Variants in RTN2 observed in about 807,000 individuals in gnomAD.
The protein encoded by RTN2 is reticulon-2.
A neutral mutation model predicts 63.7 loss-of-function variants in RTN2; 36 were observed. The ratio of observed to expected loss-of-function variants is 0.56; its 90% CI spans 0.43 to 0.75. RTN2 has a LOEUF of 0.75. RTN2 is among the 30% of genes least tolerant of loss of function. The pLI, the probability that RTN2 is intolerant of heterozygous loss-of-function variation, is 0.00. For synonymous variants in RTN2, 312 were observed against 313.0 expected, an observed-to-expected ratio of 1.00 and a Z score of 0.03; for missense variants, 673 against 705.1, an observed-to-expected ratio of 0.95 and a Z score of 0.52.
chr19:45,496,648 G>T, intron 1 of RTN2, 144 bp downstream of exon 1: 1 of 476,938 alleles, frequency 2.1e-6, no homozygotes. Flanking sequence ...CCGCCAGAGC[G>T]CGGGGGAGGG....
At chr19:45,486,859 C>G (rs928812510) in intron 9 of RTN2, among the ~76,000 whole-genome samples, 2 of 150,658 alleles carry the variant, frequency 1.3e-5, no homozygotes, top group Non-Finnish European at 3.0e-5. Flanking sequence ...CTCAGCCTCC[C>G]GAGTAGCTGG....
In RTN2 at chr19:45,493,208, T is replaced by C. The variant is rs1405810357; in HGVS notation, c.985A>G (p.Ser329Gly). The change falls in exon 5 of 11, where the codon AGC becomes GGC. Residue 329 changes from serine (S) to glycine (G), a missense_variant. By Grantham distance (56) the Ser-to-Gly change is moderately conservative (BLOSUM62 0). Coordinates refer to ENST00000245923, the MANE Select transcript of RTN2 (RefSeq NM_005619.5). ...AGTGAGAGGCTGGGGACACCGCTGC[T>C]TCTCGGGGATTTTGCCCACTTCAGT... ...VLLKWAKSPR[S>G]SGVPSLSLGA... is the part of the protein sequence containing the mutation. The C allele has an allele frequency of 1.2e-6, 2 of 1,613,318 alleles. No homozygotes were observed. Among genetic ancestry groups the C allele is most frequent in the African/African-American group, 1.3e-5 (1 of 74,902 alleles).
At position 45,493,176 on chromosome 19, in the gene RTN2, G is replaced by A. The variant is rs1968198046; in HGVS notation, c.1017C>T (p.Ala339=). 3 of 1,612,174 alleles carry A rather than the reference G, an allele frequency of 1.9e-6. No individual in the cohort carries two copies. Among genetic ancestry groups the A allele is most frequent in the African/African-American group, 2.7e-5 (2 of 74,910 alleles). The change falls in exon 5 of 11, where the codon GCC becomes GCT. Residue 339 remains alanine, a synonymous_variant. Transcript: ENST00000245923. ...CAAGCCCACCTTTACTCCCCATATCGGCTCCGAGTGAGAGGCTGGGGACAC... is the reference window on the plus strand; with the variant it reads ...CAAGCCCACCTTTACTCCCCATATCAGCTCCGAGTGAGAGGCTGGGGACAC... ...SSGVPSLSLG[A]DMGSKVADLL...
In RTN2 at chr19:45,494,397, C is replaced by T. The variant is rs751916707; in HGVS notation, c.583G>A (p.Ala195Thr). The T allele has an allele frequency of 2.5e-6, 4 of 1,613,444 alleles. No individual in the cohort carries two copies. The South Asian group carries it at 4.4e-5, about 18-fold the overall frequency. The stretch of plus-strand genomic sequence containing the variant: ...AAGACCTCGGGCGATGAGGGCTGAG[C>T]AAGTCGGAGTCGTAGGTCCAGTTCT... ...GEELDLRLRL[A>T]QPSSPEVLTP... Residue 195 changes from alanine to threonine, a missense_variant, in exon 4 of 11, where the codon GCT becomes ACT. Ala to Thr is a moderately conservative substitution (Grantham distance 58). Coordinates refer to ENST00000245923, the MANE Select transcript of RTN2 (RefSeq NM_005619.5). This position sits in a 1 kb window ranked among gnomAD's most constrained non-coding sequence, Gnocchi z 5.3.
chr19:45,488,030 A>C (rs1968066196), intron 9 of RTN2, among the ~76,000 whole-genome samples: 1 of 151,692 alleles, frequency 6.6e-6, no homozygotes, highest in Non-Finnish European at 1.5e-5. Context: ...AGGTGGGCAG[A>C]TCACTTGAGG....
chr19:45,496,651 GGGGAGGGGA>G (rs1449202465), intron 1 of RTN2, 132 bp downstream of exon 1: 4 of 491,160 alleles, frequency 8.1e-6, no homozygotes, highest in Non-Finnish European at 1.3e-5. Context: ...CCAGAGCGCG[GGGGAGGGGA>G]GAGCTTCCTT....
chr19:45,485,649 A>AG lies in RTN2; in HGVS notation c.*58dup. On this transcript the variant is annotated 3_prime_UTR_variant, in exon 11 of 11. Coordinates refer to ENST00000245923, the MANE Select transcript of RTN2 (RefSeq NM_005619.5). Reference sequence around the variant, plus strand: ...GTGGGTGGGAACGGACAAGAGATGGAGGGGGCCAGAGGGCTGCGGGGGCTG... The same window carrying AG: ...GTGGGTGGGAACGGACAAGAGATGGAGGGGGGCCAGAGGGCTGCGGGGGCTG... The AG allele has an allele frequency of 1.5e-6, 2 of 1,366,812 alleles. No homozygotes were observed. Among genetic ancestry groups the AG allele is most frequent in the Non-Finnish European group, 2.1e-6 (2 of 964,824 alleles). 84.7% of individuals were successfully genotyped at this position (1,366,812 alleles called of 1,614,324 possible). A position where few individuals can be genotyped will look rare whatever the true frequency, so the allele number is the denominator to read the frequency against.
chr19:45,489,185 GT>G, intron 6 of RTN2, 160 bp downstream of exon 6: 1 of 876,516 alleles, frequency 1.1e-6, no homozygotes, highest in Non-Finnish European at 1.8e-6. Flanking sequence ...AGGGTACCAG[GT>G]TAGGATCAGA....
In RTN2 at chr19:45,485,396, A is replaced by C; in HGVS notation, c.*312T>G. On this transcript the variant is annotated 3_prime_UTR_variant, in exon 11 of 11. Coordinates refer to ENST00000245923, the MANE Select transcript of RTN2 (RefSeq NM_005619.5). ...GGGCTAGTAGCATCCAGGAGACACC[A>C]ACGCCTCACGGCGCCTCCAGCGGCG... 1 of 402,042 alleles carries C rather than the reference A, an allele frequency of 2.5e-6. No individual in the cohort carries two copies. The highest frequency in any genetic ancestry group is 4.6e-6 in the Non-Finnish European group (1 of 217,692). 24.9% of individuals were successfully genotyped at this position (402,042 alleles called of 1,614,324 possible).
At chr19:45,486,589 G>A (rs533898513) in intron 9 of RTN2, among the ~76,000 whole-genome samples, 1 of 152,190 alleles carries the variant, frequency 6.6e-6, no homozygotes, top group African/African-American at 2.4e-5. Context: ...TCGGTTCTCT[G>A]CAACCTCAGC....
chr19:45,488,168 G>T (rs969937491), intron 9 of RTN2, among the ~76,000 whole-genome samples: 10 of 151,956 alleles, frequency 6.6e-5, no homozygotes, highest in Non-Finnish European at 1.0e-4. Flanking sequence ...CAGGAGACTT[G>T]CTTGAGCCCA....
At chr19:45,487,938 A>G (rs1283617293) in intron 9 of RTN2, among the ~76,000 whole-genome samples, 12 of 119,620 alleles carry the variant, frequency 1.0e-4, no homozygotes, top group South Asian at 2.9e-4. Flanking sequence ...GCGAGACTCC[A>G]TCTCAAAAAA....
intron 8 of RTN2, 43 bp from the exon 9 acceptor site, chr19:45,488,560 T>C (rs1395824277): frequency 9.9e-6 from 16 of 1,613,580 alleles, no homozygotes; most frequent in South Asian, 3.3e-5. Flanking sequence ...TCCCAAGAGA[T>C]GAACAGTTCC....
intron 7 of RTN2, 45 bp downstream of exon 7, chr19:45,488,803 G>A (rs1481130180): frequency 1.9e-6 from 3 of 1,596,218 alleles, no homozygotes; most frequent in East Asian, 4.5e-5. Context: ...TAGCCATGCA[G>A]AGGTGAATGG....
chr19:45,494,639 C>G lies in RTN2; in HGVS notation c.446G>C (p.Trp149Ser). 2 of 1,613,982 alleles carry G rather than the reference C, an allele frequency of 1.2e-6. No homozygotes were observed. Among genetic ancestry groups the G allele is most frequent in the African/African-American group, 1.3e-5 (1 of 75,056 alleles). ...CCCGGATCCCGTTCCCCGGGCCACCCAGCCCAGATGGTCCAACCGAAGCCT... is the reference window on the plus strand; with the variant it reads ...CCCGGATCCCGTTCCCCGGGCCACCGAGCCCAGATGGTCCAACCGAAGCCT... ...DLRLRLDHLG[W>S]VARGTGSGED... is the part of the protein sequence containing the mutation. The change falls in exon 3 of 11, where the codon TGG becomes TCG. Residue 149 changes from tryptophan to serine, a missense_variant. Trp to Ser is a radical substitution (Grantham distance 177, BLOSUM62 -3). Coordinates refer to ENST00000245923, the MANE Select transcript of RTN2 (RefSeq NM_005619.5). This position sits in a 1 kb window ranked among gnomAD's most constrained non-coding sequence, Gnocchi z 5.3.
At chr19:45,489,134 C>T in intron 6 of RTN2, 148 bp from the exon 7 acceptor site, 1 of 967,186 alleles carries the variant, frequency 1.0e-6, no homozygotes, top group Non-Finnish European at 1.5e-6. Context: ...ATGTAGAGGG[C>T]TGGGGTCAGG....
At chr19:45,495,898 A>T (rs149746494) in intron 1 of RTN2, among the ~76,000 whole-genome samples, 15 of 152,334 alleles carry the variant, frequency 9.8e-5, no homozygotes, top group African/African-American at 3.6e-4. Context: ...CGACAAGATC[A>T]TAGAATGTTG....
Position 45,494,271 on chromosome 19 carries a change from C to T in RTN2, c.709G>A (p.Glu237Lys). Residue 237 changes from glutamate (E) to lysine (K), a missense_variant, in exon 4 of 11, where the codon GAA becomes AAA. Physicochemically the swap from Glu to Lys is moderately conservative, Grantham distance 56. Coordinates refer to ENST00000245923, the MANE Select transcript of RTN2 (RefSeq NM_005619.5). The surrounding 1 kb of genome is among the most constrained non-coding windows in gnomAD (Gnocchi z 5.3). ...SNSGPEEPLL[E>K]EEEKQWGPLE... ...GGCCCCCACTGCTTTTCTTCCTCTTCCAGCAATGGCTCTTCGGGCCCAGAG... is the reference window on the plus strand; with the variant it reads ...GGCCCCCACTGCTTTTCTTCCTCTTTCAGCAATGGCTCTTCGGGCCCAGAG... The T allele has an allele frequency of 1.2e-6, 2 of 1,613,912 alleles. No homozygotes were observed. The highest frequency in any genetic ancestry group is 2.2e-5 in the East Asian group (1 of 44,880).
chr19:45,489,212 G>C, intron 6 of RTN2, 134 bp downstream of exon 6: 1 of 930,626 alleles, frequency 1.1e-6, no homozygotes. Flanking sequence ...GGATTGAAGG[G>C]TAGGTTAGGG....
Sources: gnomAD v4.1 joint callset for allele counts (sites outside exome capture counted in the v4.1 genomes callset) on GRCh38, gnomAD v4.1.1 for gene constraint, Gnocchi (gnomAD v3.1) non-coding constraint, MANE v1.5 for transcripts, NCBI Gene and HGNC (gene_info 2026-07-23, HGNC 2026-07-21) for gene names.